The following SLIT3 variants were observed in gnomAD, a reference collection of about 807,000 sequenced individuals.
SLIT3 encodes slit guidance ligand 3.
A neutral mutation model predicts 184.0 loss-of-function variants in SLIT3; 68 were observed. The observed-to-expected ratio is 0.37, with a 90% CI of 0.30 to 0.45. The LOEUF (loss-of-function observed/expected upper bound fraction) is 0.45. Ranked by LOEUF, SLIT3 falls within the 20% of genes least tolerant of loss-of-function variation. The pLI is 1.00. For missense variants in SLIT3, 1,707 were observed against 2,026.0 expected (o/e 0.84, Z 3.02); for synonymous variants, 831 against 828.6 (o/e 1.00, Z -0.05).
intron 4 of SLIT3, among the ~76,000 whole-genome samples, chr5:169,084,745 C>T (rs1759220574): frequency 6.6e-6 from 1 of 152,228 alleles, no homozygotes; most frequent in African/African-American, 2.4e-5. Flanking sequence ...AGCAGAGTTC[C>T]CCTCTTTCAG....
chr5:168,971,261 C>A (rs1483098488), intron 4 of SLIT3, among the ~76,000 whole-genome samples: 1 of 152,180 alleles, frequency 6.6e-6, no homozygotes, highest in Non-Finnish European at 1.5e-5. Context: ...CTGTGACAGA[C>A]CAGTTGTCCC....
intron 4 of SLIT3, among the ~76,000 whole-genome samples, chr5:168,969,408 C>T (rs1451015736): frequency 1.3e-5 from 2 of 152,160 alleles, no homozygotes; most frequent in East Asian, 1.9e-4. Flanking sequence ...TTTAACTGGA[C>T]GAAAATAGAC....
At chr5:168,739,541 C>T (rs1374254698) in intron 20 of SLIT3, among the ~76,000 whole-genome samples, 2 of 151,528 alleles carry the variant, frequency 1.3e-5, no homozygotes, top group Middle Eastern at 3.2e-3. Flanking sequence ...TCCTGCCTCA[C>T]CCTCCCAGCT....
In SLIT3 at chr5:168,823,257, C is replaced by T; in HGVS notation, c.629+3G>A. 6.2e-7 allele frequency: 1 copy of T among 1,612,654 alleles called. No individual in the cohort carries two copies. Among genetic ancestry groups the T allele is most frequent in the Non-Finnish European group, 8.5e-7 (1 of 1,178,644 alleles). ...GGGAGAGATGCACAGACTTCTTACT[C>T]ACAGAGTTCGGATCTTCGGCATGTG... On this transcript the variant is annotated splice_donor_region_variant and intron_variant, in intron 7 of 35. Coordinates refer to ENST00000519560, the MANE Select transcript of SLIT3 (RefSeq NM_003062.4).
chr5:168,882,655 T>G (rs539111461), intron 5 of SLIT3, among the ~76,000 whole-genome samples: 8 of 152,280 alleles, frequency 5.3e-5, no homozygotes, highest in Non-Finnish European at 1.0e-4. Flanking sequence ...GTATACGGAC[T>G]TGTCTACTAT....
chr5:168,826,296 G>T (rs1561953893), intron 6 of SLIT3, among the ~76,000 whole-genome samples: 1 of 152,180 alleles, frequency 6.6e-6, no homozygotes, highest in Non-Finnish European at 1.5e-5. Flanking sequence ...CTTGGGGCTG[G>T]CCAGCCCGGG....
intron 5 of SLIT3, among the ~76,000 whole-genome samples, chr5:168,849,747 G>C (rs940560293): frequency 2.6e-5 from 4 of 152,180 alleles, no homozygotes; most frequent in African/African-American, 9.7e-5. Context: ...ATTAGTTTTT[G>C]ATGAAATATA....
Position 168,666,271 on chromosome 5 carries a change from C to CACTTTCCATAATAAA in SLIT3, c.*168_*182dup. ...TTATATAATAAAAGATGAAAATAGTCACTTTCCATAATAAAAATAAGTTCT... is the reference window on the plus strand; with the variant it reads ...TTATATAATAAAAGATGAAAATAGTCACTTTCCATAATAAAACTTTCCATAATAAAAATAAGTTCT... On this transcript the variant is annotated 3_prime_UTR_variant, in exon 36 of 36. Transcript: ENST00000519560. 2 of 511,074 alleles carry CACTTTCCATAATAAA rather than the reference C, an allele frequency of 3.9e-6. No individual in the cohort carries two copies. Among genetic ancestry groups the CACTTTCCATAATAAA allele is most frequent in the Non-Finnish European group, 6.6e-6 (2 of 304,742 alleles). 31.7% of individuals were successfully genotyped at this position (511,074 alleles called of 1,614,324 possible). A position where few individuals can be genotyped will look rare whatever the true frequency, so the allele number is the denominator to read the frequency against.
chr5:169,006,599 T>A (rs886841831), intron 4 of SLIT3, among the ~76,000 whole-genome samples: 5,038 of 148,652 alleles, frequency 0.034, 110 homozygotes, highest in Middle Eastern at 0.059. Context: ...TCTCTCTCTC[T>A]CTCTCTCACA....
chr5:168,746,164 A>G (rs1235951387), intron 20 of SLIT3, among the ~76,000 whole-genome samples: 2 of 152,228 alleles, frequency 1.3e-5, no homozygotes, highest in African/African-American at 4.8e-5. Flanking sequence ...TGAACCCACA[A>G]TATCTCCAAG....
intron 20 of SLIT3, among the ~76,000 whole-genome samples, chr5:168,739,649 T>C (rs943198650): frequency 6.6e-6 from 1 of 152,002 alleles, no homozygotes; most frequent in Non-Finnish European, 1.5e-5. Flanking sequence ...GGACGGGGTT[T>C]CTCCATTTTG....
At chr5:169,116,644 C>G (rs987298647) in intron 4 of SLIT3, among the ~76,000 whole-genome samples, 5 of 152,172 alleles carry the variant, frequency 3.3e-5, no homozygotes, top group African/African-American at 1.2e-4. Flanking sequence ...ATAGTCCATG[C>G]ACATGATCCT....
chr5:168,768,893 G>C (rs1159053423), intron 14 of SLIT3, among the ~76,000 whole-genome samples: 1 of 152,214 alleles, frequency 6.6e-6, no homozygotes, highest in Non-Finnish European at 1.5e-5. Context: ...GAGCAGTGGG[G>C]TGTCAAAAGA....
At chr5:168,776,995 T>C (rs148003199) in intron 12 of SLIT3, among the ~76,000 whole-genome samples, 41 of 152,154 alleles carry the variant, frequency 2.7e-4, no homozygotes, top group African/African-American at 9.4e-4. Flanking sequence ...TATTGCAGCA[T>C]TTTGCGTCAT....
chr5:169,093,132 T>A (rs1374022593), intron 4 of SLIT3, among the ~76,000 whole-genome samples: 1 of 152,176 alleles, frequency 6.6e-6, no homozygotes, highest in Non-Finnish European at 1.5e-5. Context: ...TAACTGTAAA[T>A]TATGAGGGTT....
chr5:168,945,748 C>T (rs1236006459), intron 4 of SLIT3, among the ~76,000 whole-genome samples: 3 of 152,236 alleles, frequency 2.0e-5, no homozygotes, highest in East Asian at 1.9e-4. Flanking sequence ...CCTCCCAACA[C>T]GTGCAACAAA....
chr5:169,205,574 AGTTGGTTGGTTCATCG>A (rs1386357474), intron 3 of SLIT3, among the ~76,000 whole-genome samples: 1 of 152,168 alleles, frequency 6.6e-6, no homozygotes, highest in Non-Finnish European at 1.5e-5. Flanking sequence ...CTTGTTGGTT[AGTTGGTTGGTTCATCG>A]GTTGGTTGGT....
At chr5:168,959,110 C>T (rs900897540) in intron 4 of SLIT3, among the ~76,000 whole-genome samples, 1 of 152,246 alleles carries the variant, frequency 6.6e-6, no homozygotes, top group Non-Finnish European at 1.5e-5. Context: ...GGTTGCTTTT[C>T]AGCCTTAAGC....
At chr5:168,961,824 G>A (rs575486994) in intron 4 of SLIT3, among the ~76,000 whole-genome samples, 2 of 151,884 alleles carry the variant, frequency 1.3e-5, no homozygotes, top group African/African-American at 2.4e-5. Context: ...TATCTTAAGA[G>A]CAATACTATA....
Sources: allele counts gnomAD v4.1 joint callset (sites outside exome capture counted in the v4.1 genomes callset), GRCh38; gene constraint gnomAD v4.1.1; transcripts MANE v1.5; gene names NCBI Gene and HGNC (gene_info 2026-07-23, HGNC 2026-07-21).